Variants in ADAM19 observed in about 807,000 individuals in gnomAD.
ADAM19 encodes the protein ADAM metallopeptidase domain 19.
A neutral mutation model predicts 114.7 loss-of-function variants in ADAM19; 65 were observed. The ratio of observed to expected loss-of-function variants is 0.57; its 90% confidence interval spans 0.46 to 0.70. The LOEUF (loss-of-function observed/expected upper bound fraction) is 0.70, where lower values mean the gene tolerates loss of function less well. Ranked by LOEUF, ADAM19 falls within the 30% of genes least tolerant of loss-of-function variation. ADAM19 has a pLI of 0.00. For missense variants in ADAM19, 1,063 were observed against 1,204.7 expected (o/e 0.88, Z 1.74); for synonymous variants, 466 against 460.5 (o/e 1.01, Z -0.15).
At chr5:157,490,905 A>AAC (rs1755131809) in intron 18 of ADAM19, among the ~76,000 whole-genome samples, 2 of 151,754 alleles carry the variant, frequency 1.3e-5, no homozygotes, top group African/African-American at 4.8e-5. Context: ...AAAAAAAAAA[A>AAC]AACAAAGAAA....
intron 5 of ADAM19, among the ~76,000 whole-genome samples, chr5:157,529,125 A>T (rs1003577236): frequency 6.6e-6 from 1 of 152,208 alleles, no homozygotes; most frequent in Non-Finnish European, 1.5e-5. Context: ...AGATGCTACA[A>T]ATCAGGGCTT....
intron 1 of ADAM19, among the ~76,000 whole-genome samples, chr5:157,575,096 C>G (rs1473751394): frequency 1.3e-5 from 2 of 152,196 alleles, no homozygotes; most frequent in African/African-American, 4.8e-5. Context: ...CCAAGGCTAC[C>G]ACAGTCTGCC....
In ADAM19 at chr5:157,488,447, G is replaced by T. The variant is rs771837855; in HGVS notation, c.2368C>A (p.Pro790Thr). Residue 790 changes from proline to threonine, a missense_variant, in exon 21 of 23, where the codon CCT (proline) becomes ACT (threonine). Physicochemically the swap from Pro to Thr is conservative, Grantham distance 38. Transcript: ENST00000257527. ...AGATAATCTGGAGGGGGCCGGGGAG[G>T]AGGCTGGGAGGGCTTCCGCAGGATT... is the stretch of plus-strand genomic sequence containing the variant. ...PEILRKPSQP[P>T]PRPPPDYLRG... is the part of the protein sequence containing the mutation. 1 of 1,609,562 alleles carries T rather than the reference G, an allele frequency of 6.2e-7. No individual in the cohort carries two copies. Among genetic ancestry groups the T allele is most frequent in the South Asian group, 1.1e-5 (1 of 90,890 alleles).
chr5:157,569,541 G>A (rs1488521307), intron 2 of ADAM19, among the ~76,000 whole-genome samples: 5 of 148,042 alleles, frequency 3.4e-5, no homozygotes, highest in African/African-American at 1.2e-4. Context: ...TTACAGGCTT[G>A]AGCCATCGCA....
intron 21 of ADAM19, among the ~76,000 whole-genome samples, chr5:157,484,047 A>G (rs1754848933): frequency 6.6e-6 from 1 of 151,598 alleles, no homozygotes; most frequent in Admixed American, 6.6e-5. Flanking sequence ...TTGGTTGTCC[A>G]TGTGTGTGGC....
At position 157,493,191 on chromosome 5, in the gene ADAM19, A is replaced by G; in HGVS notation, c.1704-14T>C. ...CACTTCGCATCTCTGGGCACAAGAG[A>G]CAGAGAGGGAAGGAAGCGGAATCAG... is the stretch of plus-strand genomic sequence containing the variant. On this transcript the variant is annotated splice_polypyrimidine_tract_variant and intron_variant, in intron 15 of 22. Transcript: ENST00000257527. 1 of 1,610,054 alleles carries G rather than the reference A, an allele frequency of 6.2e-7. No homozygotes were observed. Among genetic ancestry groups the G allele is most frequent in the East Asian group, 2.2e-5 (1 of 44,738 alleles).
chr5:157,517,895 G>A (rs1217198324), intron 7 of ADAM19, among the ~76,000 whole-genome samples: 1 of 152,204 alleles, frequency 6.6e-6, no homozygotes, highest in Non-Finnish European at 1.5e-5. Context: ...CAATCGCCCA[G>A]AGGTCTTGTT....
chr5:157,502,541 G>A (rs953426354), intron 12 of ADAM19, among the ~76,000 whole-genome samples: 13 of 152,328 alleles, frequency 8.5e-5, no homozygotes, highest in Middle Eastern at 3.4e-3. Context: ...AACATGCCAC[G>A]TGATCGTGGT....
At position 157,493,043 on chromosome 5, in the gene ADAM19, C is replaced by G. The variant is rs1252325479; in HGVS notation, c.1838G>C (p.Gly613Ala). The G allele has an allele frequency of 6.2e-7, 1 of 1,614,248 alleles. No homozygotes were observed. Among genetic ancestry groups the G allele is most frequent in the African/African-American group, 1.3e-5 (1 of 75,066 alleles). The change falls in exon 16 of 23, where the codon GGT (glycine) becomes GCT (alanine). Residue 613 changes from glycine to alanine, a missense_variant. Physicochemically the swap from Gly to Ala is moderately conservative, Grantham distance 60. Coordinates refer to ENST00000257527, the MANE Select transcript of ADAM19 (RefSeq NM_033274.5). Reference sequence around the variant, plus strand: ...CAGCATGTCACCCTCCTCCTCAGGACCTCGGTAGACGTGGGTGCCCCGGCA... The same window carrying G: ...CAGCATGTCACCCTCCTCCTCAGGAGCTCGGTAGACGTGGGTGCCCCGGCA... ...IQCRGTHVYR[G>A]PEEEGDMLDP...
At chr5:157,564,154 A>T (rs2113793856) in intron 3 of ADAM19, among the ~76,000 whole-genome samples, 1 of 152,336 alleles carries the variant, frequency 6.6e-6, no homozygotes, top group Non-Finnish European at 1.5e-5. Flanking sequence ...ATACTGCCTA[A>T]GGAAATTTTA....
At position 157,483,365 on chromosome 5, in the gene ADAM19, T is replaced by C. The variant is rs369962007; in HGVS notation, c.2551-1422A>G. Among the ~76,000 whole-genome samples, 16 of 152,094 alleles carry C rather than the reference T, an allele frequency of 1.1e-4. No homozygotes were observed. The East Asian group carries it at 3.1e-3, about 29-fold the overall frequency. ...CAAAGAAACTATAAATAAGCAAAAT[T>C]TCATCAGCAGAAAAATAACTAAAAT... On this transcript the variant is annotated intron_variant, in intron 21 of 22. Transcript: ENST00000257527.
At chr5:157,536,690 C>T (rs768609413) in intron 4 of ADAM19, among the ~76,000 whole-genome samples, 15 of 152,134 alleles carry the variant, frequency 9.9e-5, no homozygotes, top group African/African-American at 3.1e-4. Flanking sequence ...GGTAATCTGG[C>T]GAACTAATCT....
intron 3 of ADAM19, among the ~76,000 whole-genome samples, chr5:157,546,400 C>A (rs1197622040): frequency 1.3e-5 from 2 of 152,170 alleles, no homozygotes. Flanking sequence ...CTCAACATGG[C>A]TGCCCTCCTT....
At chr5:157,503,125 C>T in intron 11 of ADAM19, 145 bp from the exon 12 acceptor site, 1 of 620,676 alleles carries the variant, frequency 1.6e-6, no homozygotes, top group Non-Finnish European at 2.8e-6. Context: ...TACATTCTGG[C>T]CCCTTAGAAC....
rs181397700 is a variant in ADAM19, at chr5:157,544,134, G to C, written c.252-6143C>G. On this transcript the variant is annotated intron_variant, in intron 3 of 22. Coordinates refer to ENST00000257527, the MANE Select transcript of ADAM19 (RefSeq NM_033274.5). ...GAGGGAACAGAAAGGCGAAGGAAGG[G>C]GGAACTTTGGAGGTTGCTCCTAGAG... Among the ~76,000 whole-genome samples, 14 of 152,282 alleles carry C rather than the reference G, an allele frequency of 9.2e-5. 1 individual carries two copies. In the East Asian group the frequency reaches 2.7e-3, roughly 29 times the overall value.
intron 4 of ADAM19, among the ~76,000 whole-genome samples, chr5:157,535,680 C>A (rs1290297143): frequency 6.6e-6 from 1 of 152,226 alleles, no homozygotes; most frequent in Non-Finnish European, 1.5e-5. Context: ...ACATCTCTGC[C>A]TAATGCACAA....
intron 2 of ADAM19, among the ~76,000 whole-genome samples, chr5:157,565,543 T>C (rs1201475397): frequency 1.3e-5 from 2 of 151,540 alleles, no homozygotes; most frequent in Non-Finnish European, 2.9e-5. Context: ...ACCCCGTCTC[T>C]ACCAAAAATA....
intron 4 of ADAM19, 47 bp from the exon 5 acceptor site, chr5:157,530,930 A>G: frequency 2.0e-6 from 3 of 1,501,218 alleles, no homozygotes; most frequent in Non-Finnish European, 2.8e-6. Flanking sequence ...ACTGATAAGC[A>G]TGGCAATGTT....
chr5:157,509,239 T>C, intron 9 of ADAM19, 62 bp downstream of exon 9: 14 of 1,505,656 alleles, frequency 9.3e-6, no homozygotes, highest in Non-Finnish European at 1.3e-5. Context: ...TCTGAGCATG[T>C]GCTGGGTGGG....
Sources: gnomAD v4.1 joint callset for allele counts (sites outside exome capture counted in the v4.1 genomes callset) on GRCh38, gnomAD v4.1.1 for gene constraint, MANE v1.5 for transcripts, NCBI Gene and HGNC (gene_info 2026-07-23, HGNC 2026-07-21) for gene names.